NPHS1: variants seen among roughly 807,000 people sequenced by gnomAD.
NPHS1 encodes NPHS1 adhesion molecule, nephrin.
NPHS1 carries 107 observed loss-of-function variants against 139.7 expected under a neutral mutation model. That is an observed-to-expected ratio of 0.77 (90% CI 0.66 to 0.90). The LOEUF (loss-of-function observed/expected upper bound fraction) is 0.90, where lower values mean the gene tolerates loss of function less well. NPHS1 is among the 40% of genes least tolerant of loss of function. NPHS1 has a pLI of 0.00. For synonymous variants in NPHS1, 707 were observed against 706.6 expected, an observed-to-expected ratio of 1.00 and a Z score of -0.01; for missense variants, 1,580 against 1,654.2, an observed-to-expected ratio of 0.96 and a Z score of 0.78.
chr19:35,835,552 T>C (rs1972945716), intron 23 of NPHS1, among the ~76,000 whole-genome samples, 153 bp downstream of exon 23: 1 of 152,082 alleles, frequency 6.6e-6, no homozygotes, highest in Non-Finnish European at 1.5e-5. Flanking sequence ...TGCCTTGGCC[T>C]CCCAAAGTGT....
intron 28 of NPHS1, among the ~76,000 whole-genome samples, chr19:35,827,156 T>C (rs1972809705): frequency 1.3e-5 from 2 of 151,880 alleles, no homozygotes; most frequent in Non-Finnish European, 1.5e-5. Context: ...TTGAATTTTT[T>C]TTTTTTTTAA....
chr19:35,831,432 A>C, intron 25 of NPHS1, 44 bp downstream of exon 25: 2 of 1,612,968 alleles, frequency 1.2e-6, no homozygotes, highest in Non-Finnish European at 1.7e-6. Flanking sequence ...GTCTCCCCCA[A>C]ACCTCCCTCA....
intron 5 of NPHS1, 48 bp from the exon 6 acceptor site, chr19:35,849,701 T>C (rs1179514708): frequency 2.1e-6 from 3 of 1,455,488 alleles, no homozygotes; most frequent in South Asian, 2.3e-5. Flanking sequence ...CATCTGAAAT[T>C]TGGGGAGTCA....
intron 20 of NPHS1, 53 bp downstream of exon 20, chr19:35,841,662 G>A: frequency 6.2e-7 from 1 of 1,605,114 alleles, no homozygotes; most frequent in Non-Finnish European, 8.5e-7. Context: ...CAGGGATGTG[G>A]GAATGGATCC....
Position 35,831,351 on chromosome 19 carries a change from C to G in NPHS1, c.3332G>C (p.Arg1111Thr), listed in dbSNP as rs1483449035. ...CCACTGGCTCTCCTCATATTCGTTC[C>G]TGACTCGGTCCTCTTCCGACCTTCC... ...TEAGSEEDRV[R>T]NEYEESQWTG... is the part of the protein sequence containing the mutation. Residue 1111 changes from arginine (R) to threonine (T), a missense_variant, in exon 26 of 29, where the codon AGG becomes ACG. Physicochemically the swap from Arg to Thr is moderately conservative, Grantham distance 71. Coordinates refer to ENST00000378910, the MANE Select transcript of NPHS1 (RefSeq NM_004646.4). The G allele has an allele frequency of 1.9e-6, 3 of 1,613,992 alleles. No homozygotes were observed. The highest frequency in any genetic ancestry group is 2.5e-6 in the Non-Finnish European group (3 of 1,180,028).
At position 35,830,974 on chromosome 19, in the gene NPHS1, G is replaced by C; in HGVS notation, c.3482-18C>G. 1 of 1,606,578 alleles carries C rather than the reference G, an allele frequency of 6.2e-7. No individual in the cohort carries two copies. The highest frequency in any genetic ancestry group is 8.5e-7 in the Non-Finnish European group (1 of 1,173,146). On this transcript the variant is annotated intron_variant, in intron 27 of 28. Coordinates refer to ENST00000378910, the MANE Select transcript of NPHS1 (RefSeq NM_004646.4). ...TGTGAAACCTGGAGTTGGAGTGGAA[G>C]GGAGACACGATCAAGGCACCCAGTC...
chr19:35,835,706 T>C lies in NPHS1; in HGVS notation c.3165A>G (p.Ser1055=). The C allele has an allele frequency of 7.4e-6, 12 of 1,613,534 alleles. No homozygotes were observed. The highest frequency in any genetic ancestry group is 1.0e-5 in the Non-Finnish European group (12 of 1,179,728). The part of the protein sequence containing the change: ...PEDQLPTEPP[S]GPSGLPLLPV... ...GGGATCAGGGGACTGAGGACTTGCC[T>C]GAAGGTGGCTCTGTGGGCAGCTGGT... Residue 1055 remains serine, a splice_region_variant and synonymous_variant, in exon 23 of 29, where the codon TCA becomes TCG. Coordinates refer to ENST00000378910, the MANE Select transcript of NPHS1 (RefSeq NM_004646.4).
Position 35,844,337 on chromosome 19 carries a change from C to G in NPHS1, c.2053G>C (p.Gly685Arg). 1 of 1,613,920 alleles carries G rather than the reference C, an allele frequency of 6.2e-7. No individual in the cohort carries two copies. Among genetic ancestry groups the G allele is most frequent in the Non-Finnish European group, 8.5e-7 (1 of 1,179,964 alleles). Residue 685 changes from glycine (G) to arginine (R), a missense_variant, in exon 15 of 29, where the codon GGC becomes CGC. Transcript: ENST00000378910. ...APEAFNWTFR[G>R]YRLSPAGGPR... is the part of the protein sequence containing the mutation. ...CCCTCACCTGGACTGAGGCGATAGC[C>G]GCGGAAGGTCCAGTTGAAGGCCTCG...
At chr19:35,842,048 G>A in intron 19 of NPHS1, 76 bp downstream of exon 19, 1 of 1,509,368 alleles carries the variant, frequency 6.6e-7, no homozygotes, top group South Asian at 1.2e-5. Context: ...CTTCTCTGCA[G>A]GGACTCAGGG....
At chr19:35,847,344 C>CTTTTTTTTT (rs34920536) in intron 11 of NPHS1, among the ~76,000 whole-genome samples, 1 of 59,880 alleles carries the variant, frequency 1.7e-5, no homozygotes, top group African/African-American at 8.2e-5. Flanking sequence ...TGTGCCCAGC[C>CTTTTTTTTT]TTTTTTTTTT....
chr19:35,830,804 A>C (rs1241790430), intron 28 of NPHS1, 40 bp downstream of exon 28: 1 of 1,253,460 alleles, frequency 8.0e-7, no homozygotes, highest in African/African-American at 1.5e-5. Flanking sequence ...GGCTCCCAGC[A>C]CTAGCCAGGA....
chr19:35,850,278 A>C (rs949822211), intron 5 of NPHS1, 86 bp downstream of exon 5: 2 of 1,065,520 alleles, frequency 1.9e-6, no homozygotes, highest in Admixed American at 1.7e-5. Flanking sequence ...TACCTAGCCC[A>C]AGCTTCATGC....
chr19:35,832,983 C>T (rs1452568179), intron 23 of NPHS1, among the ~76,000 whole-genome samples: 2 of 150,322 alleles, frequency 1.3e-5, no homozygotes. Flanking sequence ...CTGCAGGGTT[C>T]AAGCGATTCT....
intron 20 of NPHS1, 59 bp downstream of exon 20, chr19:35,841,656 G>T (rs201260620): frequency 6.3e-7 from 1 of 1,596,904 alleles, no homozygotes; most frequent in Non-Finnish European, 8.6e-7. Flanking sequence ...GCCAATCAGG[G>T]ATGTGGGAAT....
Position 35,830,850 on chromosome 19 carries a change from C to T in NPHS1, c.3588G>A (p.Val1196=). The change falls in exon 28 of 29, where the codon GTG becomes GTA. Residue 1196 remains valine, a synonymous_variant. Transcript: ENST00000378910. ...SGAWGPLYDE[V]QMGPWDLHWP... ...CTGATGCAAAGCTTCTCACCATCTG[C>T]ACTTCATCGTAGAGGGGTCCCCAGG... 2 of 1,590,390 alleles carry T rather than the reference C, an allele frequency of 1.3e-6. No individual in the cohort carries two copies. Among genetic ancestry groups the T allele is most frequent in the South Asian group, 1.1e-5 (1 of 90,642 alleles).
rs761873205 is a variant in NPHS1, at chr19:35,826,561, G to C, written c.3679C>G (p.Leu1227Val). 6.8e-6 allele frequency: 11 copies of C among 1,613,890 alleles called. No individual in the cohort carries two copies. Among genetic ancestry groups the C allele is most frequent in the Non-Finnish European group, 8.5e-6 (10 of 1,180,022 alleles). The change falls in exon 29 of 29, where the codon CTG becomes GTG. Residue 1227 changes from leucine to valine, a missense_variant. Leu to Val is a conservative substitution (Grantham distance 32, BLOSUM62 1). Transcript: ENST00000378910. ...TCGAAGGGCAGAGAATCGGGTTCCA[G>C]AGTGTCCAAGTCTCCGGCCACCTGG... ...YDQVAGDLDT[L>V]EPDSLPFELR...
At chr19:35,843,962 C>T (rs1973096595) in intron 16 of NPHS1, 141 bp downstream of exon 16, 3 of 1,225,270 alleles carry the variant, frequency 2.4e-6, no homozygotes, top group South Asian at 2.8e-5. Context: ...GGCGTGGTTA[C>T]ACCGCGGCTG....
At chr19:35,841,612 G>C (rs768385641) in intron 20 of NPHS1, 103 bp downstream of exon 20, 58 of 1,393,408 alleles carry the variant, frequency 4.2e-5, no homozygotes, top group Admixed American at 1.1e-4. Flanking sequence ...CACATACACA[G>C]AACTTCCGGT....
Position 35,831,276 on chromosome 19 carries a change from C to A in NPHS1, c.3387+20G>T. ...CGTCGGTGCCCTGATTGTGGGGTCA[C>A]CAGGGCCACCCCCACTTACCGTGGA... On this transcript the variant is annotated intron_variant, in intron 26 of 28. Transcript: ENST00000378910. The A allele has an allele frequency of 6.2e-7, 1 of 1,612,992 alleles. No individual in the cohort carries two copies. The highest frequency in any genetic ancestry group is 8.5e-7 in the Non-Finnish European group (1 of 1,179,088).
Sources: gnomAD v4.1 joint callset for allele counts (sites outside exome capture counted in the v4.1 genomes callset) on GRCh38, gnomAD v4.1.1 for gene constraint, MANE v1.5 for transcripts, NCBI Gene and HGNC (gene_info 2026-07-23, HGNC 2026-07-21) for gene names.